The following MTHFS variants were observed in gnomAD, a reference collection of about 807,000 sequenced individuals.
The protein encoded by MTHFS is 5-formyltetrahydrofolate cyclo-ligase.
MTHFS carries 7 observed loss-of-function variants against 12.7 expected under a neutral mutation model. That is an observed-to-expected ratio of 0.55 (90% CI 0.31 to 1.03). The LOEUF is 1.03. Among genes scored for constraint, MTHFS ranks in the 50% least tolerant of loss-of-function variants. The probability of loss-of-function intolerance (pLI) is 0.05; values close to 1 mark genes in which losing one functional copy is unlikely to be tolerated. For synonymous variants in MTHFS, 100 were observed against 97.1 expected (o/e 1.03, Z -0.18); for missense variants, 252 against 258.1 (o/e 0.98, Z 0.16).
chr15:79,869,776 T>C (rs555025761), intron 2 of MTHFS, among the ~76,000 whole-genome samples: 243 of 152,296 alleles, frequency 1.6e-3, no homozygotes, highest in Non-Finnish European at 2.3e-3. Context: ...TTTAAAATGT[T>C]AATGATGGCA....
chr15:79,844,841 A>G lies in MTHFS; in HGVS notation c.*369T>C. Reference sequence around the variant, plus strand: ...CCTGCCAGGACAGACCAGGTCATGAAAGGCGTAATGAAATACAGTGCCCAC... The same window carrying G: ...CCTGCCAGGACAGACCAGGTCATGAGAGGCGTAATGAAATACAGTGCCCAC... On this transcript the variant is annotated 3_prime_UTR_variant, in exon 3 of 3. Transcript: ENST00000258874. 4.0e-6 allele frequency: 1 copy of G among 252,684 alleles called. No individual in the cohort carries two copies. Among genetic ancestry groups the G allele is most frequent in the Non-Finnish European group, 7.7e-6 (1 of 129,404 alleles). The allele number at this position is 252,684 out of a possible 1,614,324, so 15.7% of individuals were successfully genotyped here.
chr15:79,888,023 G>T (rs2034410044), intron 2 of MTHFS, among the ~76,000 whole-genome samples: 1 of 152,168 alleles, frequency 6.6e-6, no homozygotes. Flanking sequence ...GCATAAAGTT[G>T]TGCTAGGGCT....
chr15:79,843,836 C>G lies in MTHFS; in HGVS notation c.*1374G>C, dbSNP rs1249322227. 2 of 152,238 alleles carry G rather than the reference C, an allele frequency of 1.3e-5. No homozygotes were observed. Among genetic ancestry groups the G allele is most frequent in the Non-Finnish European group, 2.9e-5 (2 of 68,062 alleles). The allele number at this position is 152,238 out of a possible 1,614,324, so 9.4% of individuals were successfully genotyped here. A position where few individuals can be genotyped will look rare whatever the true frequency, so the allele number is the denominator to read the frequency against. ...AAGCACATCAATGGCCAAGGCCACTCAGACAAGGGAAGGAACACTCACTCT... is the reference window on the plus strand; with the variant it reads ...AAGCACATCAATGGCCAAGGCCACTGAGACAAGGGAAGGAACACTCACTCT... On this transcript the variant is annotated 3_prime_UTR_variant, in exon 3 of 3. Transcript: ENST00000258874.
chr15:79,867,134 A>G (rs1332477238), intron 2 of MTHFS, among the ~76,000 whole-genome samples: 2 of 152,200 alleles, frequency 1.3e-5, no homozygotes, highest in African/African-American at 4.8e-5. Context: ...CTACAGGATA[A>G]AAATAGCCTA....
At chr15:79,886,221 G>A (rs113854602) in intron 2 of MTHFS, among the ~76,000 whole-genome samples, 7 of 152,258 alleles carry the variant, frequency 4.6e-5, no homozygotes, top group Admixed American at 2.0e-4. Context: ...CTACACCAAC[G>A]ACAGCCTGAG....
intron 1 of MTHFS, 173 bp downstream of exon 1, chr15:79,896,699 C>A: frequency 8.2e-7 from 1 of 1,217,860 alleles, no homozygotes; most frequent in Non-Finnish European, 1.1e-6. Context: ...CAAGAGCGTC[C>A]AGACCACGAC....
At chr15:79,894,984 C>T (rs1211207529) in intron 1 of MTHFS, among the ~76,000 whole-genome samples, 1 of 152,170 alleles carries the variant, frequency 6.6e-6, no homozygotes, top group Non-Finnish European at 1.5e-5. Flanking sequence ...TATCCAAATG[C>T]TGCCATTATA....
chr15:79,863,963 G>A (rs752074753), intron 2 of MTHFS, among the ~76,000 whole-genome samples: 9 of 152,044 alleles, frequency 5.9e-5, no homozygotes, highest in African/African-American at 9.7e-5. Flanking sequence ...CCTTTTACTC[G>A]CCTCCACAGC....
chr15:79,861,595 C>A (rs2033914550), intron 2 of MTHFS, among the ~76,000 whole-genome samples: 1 of 152,086 alleles, frequency 6.6e-6, no homozygotes, highest in African/African-American at 2.4e-5. Context: ...AGATGTTGAT[C>A]CCATGGACTT....
intron 2 of MTHFS, among the ~76,000 whole-genome samples, chr15:79,867,385 A>AG (rs2034030708): frequency 6.6e-6 from 1 of 151,988 alleles, no homozygotes; most frequent in Non-Finnish European, 1.5e-5. Flanking sequence ...AAAAAAAAAA[A>AG]AGGGGGGGAC....
At chr15:79,852,260 C>T (rs1056129906) in intron 2 of MTHFS, among the ~76,000 whole-genome samples, 4 of 151,994 alleles carry the variant, frequency 2.6e-5, no homozygotes, top group African/African-American at 7.2e-5. Context: ...GAAGCACAAC[C>T]TCCTTGAATC....
intron 2 of MTHFS, among the ~76,000 whole-genome samples, chr15:79,884,269 C>G (rs1246707177): frequency 6.6e-6 from 1 of 152,182 alleles, no homozygotes; most frequent in Non-Finnish European, 1.5e-5. Flanking sequence ...CAGCAGACCA[C>G]TTTGGCTGAA....
At chr15:79,867,372 C>CAA (rs779988449) in intron 2 of MTHFS, among the ~76,000 whole-genome samples, 37 of 105,364 alleles carry the variant, frequency 3.5e-4, no homozygotes, top group African/African-American at 1.1e-3. Context: ...GATTACGTAG[C>CAA]AAAAAAAAAA....
intron 2 of MTHFS, among the ~76,000 whole-genome samples, chr15:79,872,190 C>T (rs2034118962): frequency 6.6e-6 from 1 of 151,582 alleles, no homozygotes; most frequent in South Asian, 2.1e-4. Context: ...AGAAATCCTG[C>T]AGTTCAATCA....
At chr15:79,878,692 G>C (rs1045225952) in intron 2 of MTHFS, among the ~76,000 whole-genome samples, 1 of 151,322 alleles carries the variant, frequency 6.6e-6, no homozygotes, top group South Asian at 2.1e-4. Flanking sequence ...AAAACAAAGA[G>C]AAATTTGTTT....
chr15:79,888,761 T>C (rs2034423667), intron 2 of MTHFS, among the ~76,000 whole-genome samples: 1 of 152,190 alleles, frequency 6.6e-6, no homozygotes, highest in Non-Finnish European at 1.5e-5. Context: ...TGAGAAGATA[T>C]AAGTGCTCAT....
At chr15:79,871,837 T>A (rs2034111181) in intron 2 of MTHFS, among the ~76,000 whole-genome samples, 1 of 152,080 alleles carries the variant, frequency 6.6e-6, no homozygotes, top group Admixed American at 6.5e-5. Context: ...CCGGGCACGG[T>A]GGCTAATGCC....
rs117040871 is a variant in MTHFS at position 79,863,165 on chromosome 15, G to A, written c.380-17723C>T. Among the ~76,000 whole-genome samples the A allele has an allele frequency of 2.4e-3, 362 of 152,270 alleles. 2 individuals carry two copies. The highest frequency in any genetic ancestry group is 3.7e-3 in the Non-Finnish European group (250 of 68,018). On this transcript the variant is annotated intron_variant, in intron 2 of 2. Transcript: ENST00000258874. ...CCTGGAGACTCTACATGCTGCATATGTCAGAACTTGTTCTATCCTCTCCAT... is the reference window on the plus strand; with the variant it reads ...CCTGGAGACTCTACATGCTGCATATATCAGAACTTGTTCTATCCTCTCCAT...
In MTHFS at chr15:79,889,111, C is replaced by A; in HGVS notation, c.361G>T (p.Glu121Ter). Residue 121 changes from glutamate to a stop codon, truncating the protein, a stop_gained, in exon 2 of 3, where the codon GAG becomes TAG. Coordinates refer to ENST00000258874, the MANE Select transcript of MTHFS (RefSeq NM_006441.4). LOFTEE classifies it low-confidence loss of function (END_TRUNC). ...IPQPGEGDVREEALSTGGLDL... is the reference protein window; with the variant it reads ...IPQPGEGDVR ...TACTCACCTGTGGACAAGGCCTCCT[C>A]CCGAACATCACCCTCACCAGGCTGA... The A allele has an allele frequency of 1.2e-6, 2 of 1,614,170 alleles. No homozygotes were observed. Among genetic ancestry groups the A allele is most frequent in the East Asian group, 4.5e-5 (2 of 44,878 alleles).
Sources: gnomAD v4.1 joint callset for allele counts (sites outside exome capture counted in the v4.1 genomes callset) on GRCh38, gnomAD v4.1.1 for gene constraint, MANE v1.5 for transcripts, NCBI Gene and HGNC (gene_info 2026-07-23, HGNC 2026-07-21) for gene names.